The following RBFOX1 variants were observed in gnomAD, a reference collection of about 807,000 sequenced individuals.
RBFOX1 encodes the protein RNA binding fox-1 homolog 1.
Under a neutral mutation model 57.7 loss-of-function variants are expected in RBFOX1, and 8 were observed. That is an observed-to-expected ratio of 0.14 (90% CI 0.08 to 0.25). The LOEUF (loss-of-function observed/expected upper bound fraction) is 0.25. Ranked by LOEUF, RBFOX1 falls within the 10% of genes least tolerant of loss-of-function variation. The pLI is 1.00. For missense variants in RBFOX1, 611 were observed against 548.5 expected, an observed-to-expected ratio of 1.11 and a Z score of -1.14; for synonymous variants, 326 against 222.4, an observed-to-expected ratio of 1.47 and a Z score of -4.15.
intron 3 of RBFOX1, among the ~76,000 whole-genome samples, chr16:5,650,706 T>C (rs956967948): frequency 4.2e-4 from 64 of 151,394 alleles, no homozygotes; most frequent in African/African-American, 1.3e-3. Flanking sequence ...TTCCTCTCTC[T>C]GTCTCTCTCT....
chr16:7,647,792 C>G (rs1230894785), intron 11 of RBFOX1, among the ~76,000 whole-genome samples: 2 of 152,168 alleles, frequency 1.3e-5, no homozygotes, highest in Admixed American at 6.5e-5. Context: ...TGCCCACTTA[C>G]TGGATCTAGA....
At chr16:5,983,290 C>T (rs1029339899) in intron 4 of RBFOX1, among the ~76,000 whole-genome samples, 2 of 152,186 alleles carry the variant, frequency 1.3e-5, no homozygotes, top group Non-Finnish European at 2.9e-5. Flanking sequence ...GCACTTGAGT[C>T]GTTTTAAAAG....
intron 1 of RBFOX1, among the ~76,000 whole-genome samples, chr16:6,033,395 G>A: frequency 6.6e-6 from 1 of 152,086 alleles, no homozygotes; most frequent in Admixed American, 6.5e-5. Context: ...AATCTCTCTT[G>A]CACTTGCCTT....
intron 3 of RBFOX1, among the ~76,000 whole-genome samples, chr16:5,704,070 T>G (rs924001130): frequency 6.6e-6 from 1 of 152,086 alleles, no homozygotes; most frequent in Non-Finnish European, 1.5e-5. Flanking sequence ...GGTTTCCAGG[T>G]TCTTATTACC....
At chr16:5,352,670 C>G (rs753835589) in intron 1 of RBFOX1, among the ~76,000 whole-genome samples, 1 of 152,168 alleles carries the variant, frequency 6.6e-6, no homozygotes, top group Non-Finnish European at 1.5e-5. Flanking sequence ...TCGGTGGTCA[C>G]GGTGGCTCAT....
rs545092154 is a variant in RBFOX1, at chr16:7,680,377, G to C, written c.995+3539G>C. Among the ~76,000 whole-genome samples the C allele has an allele frequency of 2.3e-4, 35 of 152,274 alleles. 1 individual carries two copies. In the South Asian group the frequency reaches 5.8e-3, roughly 25 times the overall value. ...GATGAAAGTGTTATCTCCCCAGACA[G>C]ACAGACATTTGTCATGCTTGTCCTG... On this transcript the variant is annotated intron_variant, in intron 14 of 15. Coordinates refer to ENST00000550418, the MANE Select transcript of RBFOX1 (RefSeq NM_018723.4).
At chr16:5,334,787 C>T (rs892163031) in intron 1 of RBFOX1, among the ~76,000 whole-genome samples, 2 of 151,456 alleles carry the variant, frequency 1.3e-5, no homozygotes, top group African/African-American at 4.8e-5. Context: ...CAACCGTGGT[C>T]ATTGTCCTTA....
intron 4 of RBFOX1, among the ~76,000 whole-genome samples, chr16:7,358,601 G>A (rs1596375704): frequency 6.6e-6 from 1 of 152,164 alleles, no homozygotes; most frequent in Non-Finnish European, 1.5e-5. Flanking sequence ...TGTATTTTTT[G>A]TAGAGACAGG....
At chr16:6,620,116 G>A (rs2098206093) in intron 2 of RBFOX1, among the ~76,000 whole-genome samples, 1 of 152,062 alleles carries the variant, frequency 6.6e-6, no homozygotes, top group Non-Finnish European at 1.5e-5. Flanking sequence ...TCATTGGTAG[G>A]CATTTAGGTT....
intron 1 of RBFOX1, among the ~76,000 whole-genome samples, chr16:5,299,092 G>A (rs1307555989): frequency 4.0e-5 from 6 of 150,258 alleles, no homozygotes; most frequent in Non-Finnish European, 5.9e-5. Context: ...CAACCCTGTC[G>A]CCTTCCAGGG....
chr16:6,061,271 T>C (rs1001130020), intron 1 of RBFOX1, among the ~76,000 whole-genome samples: 1 of 152,146 alleles, frequency 6.6e-6, no homozygotes, highest in Non-Finnish European at 1.5e-5. Flanking sequence ...CAAACATATA[T>C]GCCCAAATAA....
chr16:7,625,247 G>C (rs1596737555), intron 10 of RBFOX1, among the ~76,000 whole-genome samples: 2 of 152,264 alleles, frequency 1.3e-5, no homozygotes, highest in South Asian at 4.1e-4. Context: ...ACAAGGAGAA[G>C]ACAGCAGGAA....
intron 4 of RBFOX1, among the ~76,000 whole-genome samples, chr16:7,482,447 G>GC (rs2064208290): frequency 6.7e-6 from 1 of 148,260 alleles, no homozygotes; most frequent in Non-Finnish European, 1.5e-5. Context: ...TACCTCTTCA[G>GC]CCCCTCCTTC....
chr16:5,260,949 C>A (rs943284386), intron 1 of RBFOX1: 12 of 152,186 alleles, frequency 7.9e-5, no homozygotes, highest in African/African-American at 2.9e-4. Context: ...ATTTAGTTGC[C>A]TTCCCGGGGT....
intron 3 of RBFOX1, among the ~76,000 whole-genome samples, chr16:7,003,788 T>G (rs2093049907): frequency 6.6e-6 from 1 of 152,112 alleles, no homozygotes; most frequent in Non-Finnish European, 1.5e-5. Context: ...AATAGAACTT[T>G]TTGGGATGAG....
chr16:6,854,458 A>G (rs2057419601), intron 3 of RBFOX1, among the ~76,000 whole-genome samples: 1 of 152,100 alleles, frequency 6.6e-6, no homozygotes, highest in South Asian at 2.1e-4. Context: ...ATGGCATGTT[A>G]CACCTTGAGG....
intron 2 of RBFOX1, among the ~76,000 whole-genome samples, chr16:6,535,560 G>T (rs992912893): frequency 6.6e-6 from 1 of 152,136 alleles, no homozygotes; most frequent in African/African-American, 2.4e-5. Flanking sequence ...TGTATCTTTA[G>T]CACATGTAAA....
At chr16:6,029,722 G>A (rs1248343553) in intron 1 of RBFOX1, among the ~76,000 whole-genome samples, 1 of 142,796 alleles carries the variant, frequency 7.0e-6, no homozygotes, top group Non-Finnish European at 1.5e-5. Context: ...GCAGTGAGCC[G>A]AGATCGCGCC....
chr16:6,763,342 C>G (rs973455928), intron 3 of RBFOX1, among the ~76,000 whole-genome samples: 1 of 152,214 alleles, frequency 6.6e-6, no homozygotes, highest in African/African-American at 2.4e-5. Flanking sequence ...ACTTGTAAGC[C>G]CATCACCAGT....
Sources: gnomAD v4.1 joint callset for allele counts (sites outside exome capture counted in the v4.1 genomes callset) on GRCh38, gnomAD v4.1.1 for gene constraint, MANE v1.5 for transcripts, NCBI Gene and HGNC (gene_info 2026-07-23, HGNC 2026-07-21) for gene names.